The following TSPAN15 variants were observed in gnomAD, a reference collection of about 807,000 sequenced individuals.
The protein encoded by TSPAN15 is tetraspanin-15.
In TSPAN15, 20 loss-of-function variants were observed where a neutral mutation model predicts 34.5. That is an observed-to-expected ratio of 0.58 (90% CI 0.41 to 0.84). The LOEUF is 0.84. TSPAN15 is among the 40% of genes least tolerant of loss of function. The pLI is 0.00. For synonymous variants in TSPAN15, 155 were observed against 153.9 expected, an observed-to-expected ratio of 1.01 and a Z score of -0.05; for missense variants, 313 against 386.1, an observed-to-expected ratio of 0.81 and a Z score of 1.59.
At chr10:69,547,059 G>A in the TSPAN15 span, among the ~76,000 whole-genome samples, 29,709 of 151,628 alleles carry the variant, frequency 0.2, 3,593 homozygotes, top group Non-Finnish European at 0.27. Context: ...AAAATTAACC[G>A]GGCGTGGAAT....
intron 4 of TSPAN15, 25 bp from the exon 5 acceptor site, chr10:69,498,255 C>A (rs781766567): frequency 7.5e-6 from 12 of 1,607,740 alleles, no homozygotes; most frequent in Non-Finnish European, 1.0e-5. Flanking sequence ...GACGGCAGCT[C>A]CTCTTTCCTG....
At chr10:69,481,482 G>A (rs768173600) in intron 1 of TSPAN15, among the ~76,000 whole-genome samples, 2 of 152,150 alleles carry the variant, frequency 1.3e-5, no homozygotes, top group African/African-American at 2.4e-5. Context: ...TGGCATCCCC[G>A]TCACGCATCA....
rs1427638101 is a variant in TSPAN15, at chr10:69,483,857, A to G, written c.263A>G (p.Asn88Ser). ...GGTGTGCTGGCGTCCCTCCGTGACA[A>G]CCTGTACCTTCTCCAAGCAGTGAGT... Reference protein sequence around the residue: ...FIGVLASLRDNLYLLQAFMYI... With the variant: ...FIGVLASLRDSLYLLQAFMYI... Residue 88 changes from asparagine to serine, a missense_variant, in exon 2 of 8, where the codon AAC (asparagine) becomes AGC (serine). Asn to Ser is a conservative substitution (Grantham distance 46). Coordinates refer to ENST00000373290, the MANE Select transcript of TSPAN15 (RefSeq NM_012339.5). 4 of 1,613,572 alleles carry G rather than the reference A, an allele frequency of 2.5e-6. No individual in the cohort carries two copies. Among genetic ancestry groups the G allele is most frequent in the Non-Finnish European group, 3.4e-6 (4 of 1,179,900 alleles).
At chr10:69,489,764 A>T (rs1011169208) in intron 3 of TSPAN15, among the ~76,000 whole-genome samples, 4 of 152,214 alleles carry the variant, frequency 2.6e-5, no homozygotes, top group Non-Finnish European at 5.9e-5. Flanking sequence ...TTCTCCACTC[A>T]TAGAGGGGCA....
At chr10:69,463,777 T>G (rs1415437212) in intron 1 of TSPAN15, among the ~76,000 whole-genome samples, 1 of 141,816 alleles carries the variant, frequency 7.1e-6, no homozygotes, top group Non-Finnish European at 1.5e-5. Context: ...GCTACTGCAC[T>G]CCAGCTGGGC....
At chr10:69,505,438 T>C (rs1335139551) in intron 6 of TSPAN15, among the ~76,000 whole-genome samples, 2 of 152,248 alleles carry the variant, frequency 1.3e-5, no homozygotes, top group Admixed American at 1.3e-4. Context: ...TTTTTGCCAC[T>C]GGCATGGTTT....
the TSPAN15 span, among the ~76,000 whole-genome samples, chr10:69,549,505 T>A: frequency 6.6e-6 from 1 of 152,246 alleles, no homozygotes; most frequent in Non-Finnish European, 1.5e-5. Context: ...TTCTTTCTGA[T>A]AAACTGGATT....
the TSPAN15 span, among the ~76,000 whole-genome samples, chr10:69,540,051 C>T: frequency 3.9e-5 from 6 of 151,978 alleles, no homozygotes; most frequent in Non-Finnish European, 5.9e-5. Context: ...CCATGATGCC[C>T]GGCTAATTTT....
At chr10:69,523,489 G>A in the TSPAN15 span, 2 of 519,530 alleles carry the variant, frequency 3.8e-6, no homozygotes, top group Non-Finnish European at 7.3e-6. Flanking sequence ...CCCTAACAGG[G>A]CCAGACTGTG....
intron 1 of TSPAN15, among the ~76,000 whole-genome samples, chr10:69,453,499 G>A (rs1396323465): frequency 6.6e-6 from 1 of 152,144 alleles, no homozygotes; most frequent in African/African-American, 2.4e-5. Context: ...GAGGTAGGAA[G>A]ATGGAGTTGT....
chr10:69,537,525 T>C, the TSPAN15 span, among the ~76,000 whole-genome samples: 1 of 152,154 alleles, frequency 6.6e-6, no homozygotes, highest in African/African-American at 2.4e-5. Flanking sequence ...CAGCCCTCTC[T>C]CCTGGCTTCT....
At chr10:69,473,579 A>C (rs1001806272) in intron 1 of TSPAN15, among the ~76,000 whole-genome samples, 1 of 152,140 alleles carries the variant, frequency 6.6e-6, no homozygotes, top group Non-Finnish European at 1.5e-5. Flanking sequence ...GGGAATTTCC[A>C]TGGACTCCCG....
intron 5 of TSPAN15, 151 bp downstream of exon 5, chr10:69,498,547 C>T: frequency 1.6e-6 from 1 of 638,666 alleles, no homozygotes. Flanking sequence ...TTTCCTGATT[C>T]TCAAGGGCTC....
chr10:69,455,547 TTCTC>T (rs1165587609), intron 1 of TSPAN15, among the ~76,000 whole-genome samples: 25 of 130,364 alleles, frequency 1.9e-4, no homozygotes, highest in Admixed American at 4.6e-4. Context: ...TCTTTCTTTC[TTCTC>T]TCTCTCTCTT....
chr10:69,458,438 A>C (rs959671823), intron 1 of TSPAN15, among the ~76,000 whole-genome samples: 8 of 152,244 alleles, frequency 5.3e-5, no homozygotes, highest in African/African-American at 1.9e-4. Flanking sequence ...CATCTTGTAC[A>C]TATATGTAGA....
At chr10:69,460,056 TGA>T (rs760523468) in intron 1 of TSPAN15, among the ~76,000 whole-genome samples, 1 of 117,976 alleles carries the variant, frequency 8.5e-6, no homozygotes, top group African/African-American at 3.1e-5. Context: ...TGAGATGAGA[TGA>T]GATGAGATGA....
At chr10:69,487,121 C>T (rs1278381729) in intron 3 of TSPAN15, among the ~76,000 whole-genome samples, 2 of 152,002 alleles carry the variant, frequency 1.3e-5, no homozygotes, top group Admixed American at 1.3e-4. Context: ...GAGCCCAGGT[C>T]CAGTTTGTGG....
At chr10:69,475,990 C>A (rs12250855) in intron 1 of TSPAN15, among the ~76,000 whole-genome samples, 9,418 of 151,922 alleles carry the variant, frequency 0.062, 1,008 homozygotes, top group African/African-American at 0.22. Flanking sequence ...TTTATTATTT[C>A]TTCACTTAGG....
chr10:69,495,986 GGT>G (rs1346884727), intron 4 of TSPAN15, among the ~76,000 whole-genome samples: 9 of 152,118 alleles, frequency 5.9e-5, no homozygotes, highest in Non-Finnish European at 1.3e-4. Context: ...AACAAAGTCA[GGT>G]GTTGCTACAA....
Sources: gnomAD v4.1 joint callset for allele counts (sites outside exome capture counted in the v4.1 genomes callset) on GRCh38, gnomAD v4.1.1 for gene constraint, MANE v1.5 for transcripts, NCBI Gene and HGNC (gene_info 2026-07-23, HGNC 2026-07-21) for gene names.